CRYGA: variants seen among roughly 807,000 people sequenced by gnomAD.
CRYGA encodes crystallin gamma A.
CRYGA carries 11 observed loss-of-function variants against 13.8 expected under a neutral mutation model. The ratio of observed to expected loss-of-function variants is 0.80; its 90% confidence interval spans 0.50 to 1.32. The LOEUF (loss-of-function observed/expected upper bound fraction) is 1.32. Ranked by LOEUF, CRYGA falls within the 40% of genes most tolerant of loss-of-function variation. The probability of loss-of-function intolerance (pLI) is 0.00; values close to 1 mark genes in which losing one functional copy is unlikely to be tolerated. For missense variants in CRYGA, 271 were observed against 234.1 expected (o/e 1.16, Z -1.03); for synonymous variants, 97 against 89.3 (o/e 1.09, Z -0.48).
At chr2:208,162,233 G>A (rs1384456191) in intron 2 of CRYGA, among the ~76,000 whole-genome samples, 14 of 152,110 alleles carry the variant, frequency 9.2e-5, no homozygotes, top group Admixed American at 7.9e-4. Context: ...CACTGAGCCT[G>A]GCCGTGATTT....
At chr2:208,162,989 A>G (rs1364814784) in intron 2 of CRYGA, among the ~76,000 whole-genome samples, 1 of 149,584 alleles carries the variant, frequency 6.7e-6, no homozygotes, top group East Asian at 2.0e-4. Flanking sequence ...TTTAAAGGCT[A>G]TGTTGTGATT....
At position 208,163,386 on chromosome 2, in the gene CRYGA, G is replaced by A. The variant is rs116558662; in HGVS notation, c.70C>T (p.Pro24Ser). 1.4e-5 allele frequency: 22 copies of A among 1,613,874 alleles called. No individual in the cohort carries two copies. In the East Asian group the frequency reaches 4.2e-4, roughly 31 times the overall value. Residue 24 changes from proline to serine, a missense_variant, in exon 2 of 3, where the codon CCC (proline) becomes TCC (serine). Pro to Ser is a moderately conservative substitution (Grantham distance 74). Transcript: ENST00000304502. ...GRCYNCISDC[P>S]NLRVYFSRCN... ...CGGCTGAAGTAGACCCGCAGGTTGG[G>A]GCAGTCACTGATGCAATTGTAGCAG...
intron 2 of CRYGA, among the ~76,000 whole-genome samples, chr2:208,162,292 A>T (rs12994778): frequency 1.3e-5 from 2 of 152,092 alleles, no homozygotes; most frequent in South Asian, 2.1e-4. Context: ...GCCAACAGAA[A>T]GTGTAAATAC....
chr2:208,161,139 G>A (rs1220196879), intron 2 of CRYGA, 63 bp from the exon 3 acceptor site: 1 of 1,483,078 alleles, frequency 6.7e-7, no homozygotes, highest in Non-Finnish European at 9.3e-7. Context: ...GTCAACGAAA[G>A]TGACACAATC....
Position 208,160,741 on chromosome 2 carries a change from G to A in CRYGA, c.*63C>T. 1 of 903,266 alleles carries A rather than the reference G, an allele frequency of 1.1e-6. No homozygotes were observed. The highest frequency in any genetic ancestry group is 1.7e-6 in the Non-Finnish European group (1 of 573,902). 56.0% of individuals were successfully genotyped at this position (903,266 alleles called of 1,614,324 possible). On this transcript the variant is annotated 3_prime_UTR_variant, in exon 3 of 3. Transcript: ENST00000304502. ...TAAAGATAAACAAGAGCCACTTAGT[G>A]CAGGGAACACAACTTGTATATTTAT... is the stretch of plus-strand genomic sequence containing the variant.
rs755408221 is a variant in CRYGA, at chr2:208,163,358, C to G, written c.98G>C (p.Cys33Ser). The change falls in exon 2 of 3, where the codon TGC becomes TCC. Residue 33 changes from cysteine (C) to serine (S), a missense_variant. Coordinates refer to ENST00000304502, the MANE Select transcript of CRYGA (RefSeq NM_014617.4). ...GCCGCTGTCTACTCGGATGGAGTTG[C>G]AGCGGCTGAAGTAGACCCGCAGGTT... The part of the protein sequence containing the change: ...CPNLRVYFSR[C>S]NSIRVDSGCW... 1.2e-6 allele frequency: 2 copies of G among 1,613,896 alleles called. No individual in the cohort carries two copies. The highest frequency in any genetic ancestry group is 2.2e-5 in the East Asian group (1 of 44,880).
Position 208,161,058 on chromosome 2 carries a change from T to A in CRYGA, c.271A>T (p.Arg91Trp). 1 of 1,614,124 alleles carries A rather than the reference T, an allele frequency of 6.2e-7. No individual in the cohort carries two copies. Among genetic ancestry groups the A allele is most frequent in the Non-Finnish European group, 8.5e-7 (1 of 1,179,964 alleles). ...CGGTAGTCATCTCTCTCGTACAGCC[T>A]TAACTTGTGCGAGCTGGTCTGTCAT... The part of the protein sequence containing the change: ...IIPHTSSHKL[R>W]LYERDDYRGL... Residue 91 changes from arginine to tryptophan, a missense_variant, in exon 3 of 3, where the codon AGG becomes TGG. Transcript: ENST00000304502.
intron 2 of CRYGA, 108 bp from the exon 3 acceptor site, chr2:208,161,184 A>G (rs774526794): frequency 9.3e-5 from 106 of 1,135,268 alleles, no homozygotes; most frequent in Non-Finnish European, 1.3e-4. Context: ...CTTTTATTTT[A>G]TTTTTGAGAT....
chr2:208,163,379 A>G lies in CRYGA; in HGVS notation c.77T>C (p.Leu26Pro), dbSNP rs1305147161. ...CYNCISDCPN[L>P]RVYFSRCNSI... ...GTTGCAGCGGCTGAAGTAGACCCGC[A>G]GGTTGGGGCAGTCACTGATGCAATT... The change falls in exon 2 of 3, where the codon CTG (leucine) becomes CCG (proline). Residue 26 changes from leucine to proline, a missense_variant. Leu to Pro is a moderately conservative substitution (Grantham distance 98). Coordinates refer to ENST00000304502, the MANE Select transcript of CRYGA (RefSeq NM_014617.4). The G allele has an allele frequency of 1.2e-6, 2 of 1,613,846 alleles. No homozygotes were observed. Among genetic ancestry groups the G allele is most frequent in the Admixed American group, 3.3e-5 (2 of 59,958 alleles).
At chr2:208,163,136 T>C in intron 2 of CRYGA, 68 bp downstream of exon 2, 1 of 1,421,122 alleles carries the variant, frequency 7.0e-7, no homozygotes. Context: ...AACTGACTTT[T>C]ATAAACAGGA....
Position 208,163,254 on chromosome 2 carries a change from G to C in CRYGA, c.202C>G (p.His68Asp), listed in dbSNP as rs930316395. ...LRRGKYPDYQ[H>D]WMGLSDSVQS... ...ACCGAGTCGCTGAGGCCCATCCAGTGCTGATAGTCGGGGTACTTGCCTCGG... is the reference window on the plus strand; with the variant it reads ...ACCGAGTCGCTGAGGCCCATCCAGTCCTGATAGTCGGGGTACTTGCCTCGG... Residue 68 changes from histidine to aspartate, a missense_variant, in exon 2 of 3, where the codon CAC becomes GAC. By Grantham distance (81) the His-to-Asp change is moderately conservative. Coordinates refer to ENST00000304502, the MANE Select transcript of CRYGA (RefSeq NM_014617.4). 6 of 1,614,018 alleles carry C rather than the reference G, an allele frequency of 3.7e-6. No homozygotes were observed. The highest frequency in any genetic ancestry group is 5.1e-6 in the Non-Finnish European group (6 of 1,179,994).
Position 208,163,541 on chromosome 2 carries a change from G to A in CRYGA, c.9+7C>T. ...ATAGACATGGCACAGCACCTCCACA[G>A]GCTCACCTTCCCCATGGTTGTTGAC... On this transcript the variant is annotated splice_region_variant and intron_variant, in intron 1 of 2. Transcript: ENST00000304502. The A allele has an allele frequency of 6.2e-7, 1 of 1,610,884 alleles. No homozygotes were observed. The highest frequency in any genetic ancestry group is 1.1e-5 in the South Asian group (1 of 90,758).
chr2:208,161,793 A>G (rs1695764737), intron 2 of CRYGA, among the ~76,000 whole-genome samples: 1 of 152,152 alleles, frequency 6.6e-6, no homozygotes, highest in South Asian at 2.1e-4. Flanking sequence ...ACAGTGATTT[A>G]TATTTACACT....
intron 2 of CRYGA, among the ~76,000 whole-genome samples, chr2:208,161,653 G>C (rs1036134880): frequency 6.6e-6 from 1 of 152,314 alleles, no homozygotes; most frequent in East Asian, 1.9e-4. Flanking sequence ...TGTGTTCTTT[G>C]TAAGCAATCA....
intron 2 of CRYGA, 125 bp downstream of exon 2, chr2:208,163,079 T>A: frequency 1.3e-6 from 1 of 765,768 alleles, no homozygotes. Flanking sequence ...TGTTTGAGGG[T>A]CAGGCCTTGC....
intron 2 of CRYGA, among the ~76,000 whole-genome samples, chr2:208,162,906 T>C (rs544115247): frequency 2.7e-4 from 41 of 151,148 alleles, no homozygotes; most frequent in African/African-American, 8.5e-4. Context: ...TCTTTCTTTT[T>C]TTTTTTTTTT....
chr2:208,163,420 A>G lies in CRYGA; in HGVS notation c.36T>C (p.Phe12=). Residue 12 remains phenylalanine (F), a synonymous_variant, in exon 2 of 3, where the codon TTT becomes TTC. Coordinates refer to ENST00000304502, the MANE Select transcript of CRYGA (RefSeq NM_014617.4). ...GKITFYEDRD[F]QGRCYNCISD... The stretch of plus-strand genomic sequence containing the variant: ...TGATGCAATTGTAGCAGCGACCCTG[A>G]AAGTCTCGGTCCTCGTAGAAGGTGA... 1 of 1,613,780 alleles carries G rather than the reference A, an allele frequency of 6.2e-7. No homozygotes were observed. The highest frequency in any genetic ancestry group is 8.5e-7 in the Non-Finnish European group (1 of 1,179,970).
At chr2:208,162,543 G>T (rs1349032986) in intron 2 of CRYGA, among the ~76,000 whole-genome samples, 2 of 152,166 alleles carry the variant, frequency 1.3e-5, no homozygotes, top group Non-Finnish European at 2.9e-5. Context: ...CTCATAGTCT[G>T]TTAACTTTTC....
At chr2:208,161,507 A>G (rs988188860) in intron 2 of CRYGA, among the ~76,000 whole-genome samples, 11 of 152,128 alleles carry the variant, frequency 7.2e-5, no homozygotes, top group Admixed American at 3.9e-4. Flanking sequence ...ACCAGTTGAT[A>G]AAGTGTTTCT....
Sources: allele counts gnomAD v4.1 joint callset (sites outside exome capture counted in the v4.1 genomes callset), GRCh38; gene constraint gnomAD v4.1.1; transcripts MANE v1.5; gene names NCBI Gene and HGNC (gene_info 2026-07-23, HGNC 2026-07-21).